The following UNC5C variants were observed in gnomAD, a reference collection of about 807,000 sequenced individuals.
UNC5C encodes unc-5 netrin receptor C, also known as netrin receptor UNC5C.
In UNC5C, 47 loss-of-function variants were observed where a neutral mutation model predicts 99.8. The observed-to-expected ratio is 0.47, with a 90% CI of 0.37 to 0.60. The LOEUF is 0.60. Among genes scored for constraint, UNC5C ranks in the 20% least tolerant of loss-of-function variants. The pLI, the probability that UNC5C is intolerant of heterozygous loss-of-function variation, is 0.00. For missense variants in UNC5C, 1,062 were observed against 1,165.9 expected (o/e 0.91, Z 1.30); for synonymous variants, 487 against 452.2 (o/e 1.08, Z -0.98).
At chr4:95,497,198 G>T (rs929940119) in intron 1 of UNC5C, among the ~76,000 whole-genome samples, 2 of 151,902 alleles carry the variant, frequency 1.3e-5, no homozygotes, top group Non-Finnish European at 2.9e-5. Context: ...CCAATAGTGG[G>T]ATTGCTGGAT....
chr4:95,356,213 C>CAAAAAAAAAAAAAAAAAAAAAAAA (rs869165569), intron 1 of UNC5C, among the ~76,000 whole-genome samples: 1 of 78,154 alleles, frequency 1.3e-5, no homozygotes, highest in Non-Finnish European at 2.5e-5. Context: ...AAAAAAAAAA[C>CAAAAAAAAAAAAAAAAAAAAAAAA]AAAACAAAAA....
chr4:95,248,865 G>C (rs374661008), intron 5 of UNC5C, among the ~76,000 whole-genome samples: 6 of 152,218 alleles, frequency 3.9e-5, no homozygotes, highest in African/African-American at 1.4e-4. Context: ...TAAGTGTAGT[G>C]TTCATAAAGT....
intron 1 of UNC5C, among the ~76,000 whole-genome samples, chr4:95,446,457 T>C (rs1334083627): frequency 6.6e-6 from 1 of 152,214 alleles, no homozygotes; most frequent in Admixed American, 6.5e-5. Context: ...ATTACATTTA[T>C]ATGACATTCT....
At chr4:95,450,604 A>G (rs1294838156) in intron 1 of UNC5C, among the ~76,000 whole-genome samples, 3 of 152,198 alleles carry the variant, frequency 2.0e-5, no homozygotes, top group Admixed American at 1.3e-4. Flanking sequence ...TCTCCGTCTT[A>G]TTTCTCTGAG....
At chr4:95,330,703 C>G (rs987881560) in intron 2 of UNC5C, among the ~76,000 whole-genome samples, 1 of 151,990 alleles carries the variant, frequency 6.6e-6, no homozygotes, top group Non-Finnish European at 1.5e-5. Context: ...ACTTTCTTCA[C>G]TATTTTTGTA....
At chr4:95,504,285 C>T (rs756082340) in intron 1 of UNC5C, among the ~76,000 whole-genome samples, 1 of 152,016 alleles carries the variant, frequency 6.6e-6, no homozygotes, top group African/African-American at 2.4e-5. Context: ...ACAGCACTCC[C>T]CTCTGAACAA....
intron 1 of UNC5C, among the ~76,000 whole-genome samples, chr4:95,463,126 T>C (rs973153771): frequency 6.6e-6 from 1 of 152,170 alleles, no homozygotes; most frequent in South Asian, 2.1e-4. Flanking sequence ...AAAACCAGGC[T>C]TCTAGCCACA....
chr4:95,213,709 GAGAAAAATGCTCAGAATTTTCCT>G (rs1247622335), intron 10 of UNC5C, among the ~76,000 whole-genome samples: 1 of 152,198 alleles, frequency 6.6e-6, no homozygotes, highest in Admixed American at 6.5e-5. Flanking sequence ...AAGGAAAATG[GAGAAAAATGCTCAGAATTTTCCT>G]ACGAATGCAT....
intron 1 of UNC5C, among the ~76,000 whole-genome samples, chr4:95,410,088 C>T (rs967953715): frequency 2.0e-5 from 3 of 152,132 alleles, no homozygotes; most frequent in African/African-American, 7.2e-5. Context: ...GGGTGTTTAG[C>T]ATGCCATGTT....
chr4:95,213,407 C>T (rs1738141874), intron 10 of UNC5C, among the ~76,000 whole-genome samples: 1 of 152,210 alleles, frequency 6.6e-6, no homozygotes, highest in Non-Finnish European at 1.5e-5. Context: ...TTCCAGAGAT[C>T]TGTAAAGCAG....
chr4:95,270,030 C>T (rs1246220825), intron 4 of UNC5C, among the ~76,000 whole-genome samples: 1 of 152,056 alleles, frequency 6.6e-6, no homozygotes, highest in Non-Finnish European at 1.5e-5. Flanking sequence ...CTTGACAATT[C>T]TAAAAGACAT....
intron 2 of UNC5C, among the ~76,000 whole-genome samples, chr4:95,321,430 G>C (rs1742687468): frequency 6.6e-6 from 1 of 152,164 alleles, no homozygotes; most frequent in Admixed American, 6.5e-5. Context: ...AAATAAGTCA[G>C]CTAGCAGAGA....
intron 1 of UNC5C, among the ~76,000 whole-genome samples, chr4:95,381,656 T>C (rs1745075596): frequency 6.6e-6 from 1 of 152,156 alleles, no homozygotes; most frequent in South Asian, 2.1e-4. Context: ...AATTATTTGA[T>C]AGTTTGTGTC....
intron 3 of UNC5C, among the ~76,000 whole-genome samples, chr4:95,295,649 G>A (rs917512925): frequency 4.6e-5 from 7 of 152,198 alleles, no homozygotes; most frequent in South Asian, 2.1e-4. Context: ...TAGGTAAGAG[G>A]TAATCATACT....
chr4:95,294,447 T>A (rs1419640818), intron 3 of UNC5C, among the ~76,000 whole-genome samples: 1 of 152,206 alleles, frequency 6.6e-6, no homozygotes, highest in Non-Finnish European at 1.5e-5. Flanking sequence ...TGATGCTGGC[T>A]GTGATTTATT....
At chr4:95,270,243 T>C (rs1740609483) in intron 4 of UNC5C, among the ~76,000 whole-genome samples, 1 of 152,242 alleles carries the variant, frequency 6.6e-6, no homozygotes, top group Non-Finnish European at 1.5e-5. Flanking sequence ...AACCAGAGGC[T>C]ACTTTGTAGA....
chr4:95,330,482 A>G (rs1360204818), intron 2 of UNC5C, among the ~76,000 whole-genome samples: 1 of 152,036 alleles, frequency 6.6e-6, no homozygotes, highest in African/African-American at 2.4e-5. Context: ...ATATACCTAC[A>G]TGTTTTCTTT....
chr4:95,244,294 A>G (rs1380794630), intron 6 of UNC5C, among the ~76,000 whole-genome samples: 1 of 152,190 alleles, frequency 6.6e-6, no homozygotes, highest in East Asian at 1.9e-4. Context: ...GCTTTTGGCA[A>G]ATATTATCTT....
At chr4:95,342,533 T>C (rs750642035) in intron 1 of UNC5C, among the ~76,000 whole-genome samples, 2 of 151,966 alleles carry the variant, frequency 1.3e-5, no homozygotes, top group African/African-American at 2.4e-5. Context: ...CATGCTGTGG[T>C]TCTGGGGTGA....
Sources: allele counts gnomAD v4.1 joint callset (sites outside exome capture counted in the v4.1 genomes callset), GRCh38; gene constraint gnomAD v4.1.1; transcripts MANE v1.5; gene names NCBI Gene and HGNC (gene_info 2026-07-23, HGNC 2026-07-21).